Variants in PTPRZ1 observed in about 807,000 individuals in gnomAD.
PTPRZ1 encodes the protein protein tyrosine phosphatase receptor type Z1.
In PTPRZ1, 82 loss-of-function variants were observed where a neutral mutation model predicts 214.1. That is an observed-to-expected ratio of 0.38 (90% CI 0.32 to 0.46). PTPRZ1 has a LOEUF of 0.46. PTPRZ1 is among the 20% of genes least tolerant of loss of function. PTPRZ1 has a pLI of 1.00. For missense variants in PTPRZ1, 2,603 were observed against 2,748.7 expected, an observed-to-expected ratio of 0.95 and a Z score of 1.19; for synonymous variants, 945 against 987.9, an observed-to-expected ratio of 0.96 and a Z score of 0.81.
intron 10 of PTPRZ1, 74 bp downstream of exon 10, chr7:121,998,080 T>C: frequency 2.7e-6 from 4 of 1,465,322 alleles, no homozygotes; most frequent in Non-Finnish European, 3.7e-6. Flanking sequence ...GCATTGATGC[T>C]TTCTCTCTAT....
At chr7:121,972,931 T>TAATG (rs71172157) in intron 4 of PTPRZ1, among the ~76,000 whole-genome samples, 84,606 of 151,448 alleles carry the variant, frequency 0.56, 24,021 homozygotes, top group African/African-American at 0.65. Flanking sequence ...GCTGATGAAT[T>TAATG]AATGAAGGAA....
At chr7:121,962,431 G>C (rs954685091) in intron 2 of PTPRZ1, among the ~76,000 whole-genome samples, 25 of 146,454 alleles carry the variant, frequency 1.7e-4, no homozygotes, top group Admixed American at 4.1e-4. Flanking sequence ...CTGGGCAATA[G>C]AGAGATGCTC....
At chr7:121,945,397 G>T (rs899076497) in intron 2 of PTPRZ1, among the ~76,000 whole-genome samples, 20 of 152,158 alleles carry the variant, frequency 1.3e-4, no homozygotes, top group African/African-American at 4.6e-4. Flanking sequence ...ATTGATACAT[G>T]TAGATCAACA....
intron 1 of PTPRZ1, among the ~76,000 whole-genome samples, chr7:121,922,834 A>G (rs1343755348): frequency 1.3e-5 from 2 of 152,146 alleles, no homozygotes; most frequent in Non-Finnish European, 1.5e-5. Flanking sequence ...ATTTCTTCAC[A>G]AGCACACATC....
At chr7:122,006,909 A>C (rs539718323) in intron 11 of PTPRZ1, among the ~76,000 whole-genome samples, 1 of 152,218 alleles carries the variant, frequency 6.6e-6, no homozygotes, top group African/African-American at 2.4e-5. Flanking sequence ...TGTTACATCT[A>C]AACTGAAAGG....
At chr7:122,036,575 G>A (rs760375260) in intron 17 of PTPRZ1, 25 bp from the exon 18 acceptor site, 112 of 1,483,546 alleles carry the variant, frequency 7.5e-5, no homozygotes, top group Non-Finnish European at 1.8e-5. Context: ...GTGCTACAAT[G>A]AAATATATTC....
chr7:122,044,969 CTG>C (rs1799843492), intron 23 of PTPRZ1, among the ~76,000 whole-genome samples: 1 of 151,922 alleles, frequency 6.6e-6, no homozygotes, highest in Admixed American at 6.6e-5. Flanking sequence ...TGGAAAAAAT[CTG>C]TGTCTCACTT....
intron 11 of PTPRZ1, among the ~76,000 whole-genome samples, chr7:122,007,771 A>G (rs1169567654): frequency 6.6e-6 from 1 of 152,194 alleles, no homozygotes; most frequent in East Asian, 1.9e-4. Context: ...GAAGGATAAC[A>G]TATGACACAG....
At chr7:122,047,569 C>G (rs1792037263) in intron 23 of PTPRZ1, among the ~76,000 whole-genome samples, 1 of 151,722 alleles carries the variant, frequency 6.6e-6, no homozygotes, top group Non-Finnish European at 1.5e-5. Flanking sequence ...TGAGGAAGTA[C>G]TCTACGGTTT....
intron 1 of PTPRZ1, among the ~76,000 whole-genome samples, chr7:121,912,911 T>C (rs1174728883): frequency 6.6e-6 from 1 of 152,054 alleles, no homozygotes; most frequent in Admixed American, 6.6e-5. Flanking sequence ...CAGAGACGGG[T>C]AAATGAATTA....
intron 1 of PTPRZ1, among the ~76,000 whole-genome samples, chr7:121,895,660 A>T (rs910848243): frequency 1.4e-4 from 22 of 152,216 alleles, no homozygotes; most frequent in African/African-American, 4.6e-4. Flanking sequence ...TCATTCGTAA[A>T]GGATCATATG....
rs1300448624 is a variant in PTPRZ1, at chr7:122,019,279, T to C, written c.4988+11T>C. ...TCTCATCTACTGGAGGTAAGTTGAG[T>C]ATTTGTTTTGGAAAATTTAATTCAT... On this transcript the variant is annotated intron_variant, in intron 13 of 29. Transcript: ENST00000393386. 3.1e-6 allele frequency: 5 copies of C among 1,605,210 alleles called. No homozygotes were observed. The African/African-American group carries it at 6.7e-5, about 22-fold the overall frequency.
intron 12 of PTPRZ1, among the ~76,000 whole-genome samples, chr7:122,016,518 G>C (rs1396307447): frequency 2.6e-5 from 4 of 151,896 alleles, no homozygotes; most frequent in African/African-American, 9.7e-5. Flanking sequence ...TAGGTTTCAT[G>C]CCATAGTTTG....
At chr7:122,014,952 A>G (rs1798803230) in intron 12 of PTPRZ1, among the ~76,000 whole-genome samples, 1 of 152,202 alleles carries the variant, frequency 6.6e-6, no homozygotes, top group African/African-American at 2.4e-5. Context: ...TACAGTATGT[A>G]TAGGTATTGT....
chr7:122,028,699 A>G (rs916786294), intron 14 of PTPRZ1, 56 bp downstream of exon 14: 1 of 1,340,316 alleles, frequency 7.5e-7, no homozygotes, highest in Non-Finnish European at 1.1e-6. Context: ...AAAAAGCACA[A>G]TGTTGAAAGG....
rs927094103 is a variant in PTPRZ1, at chr7:121,959,015, G to A, written c.125-8936G>A. On this transcript the variant is annotated intron_variant, in intron 2 of 29. Coordinates refer to ENST00000393386, the MANE Select transcript of PTPRZ1 (RefSeq NM_002851.3). Reference sequence around the variant, plus strand: ...ATTTTTTGTATTTTTAGTAGAGGCGGGGTTTCACCATGTTAGCCAGGATGG... The same window carrying A: ...ATTTTTTGTATTTTTAGTAGAGGCGAGGTTTCACCATGTTAGCCAGGATGG... 6.4e-4 allele frequency among the ~76,000 whole-genome samples: 98 copies of A among 152,056 alleles called. 1 individual carries two copies. The highest frequency in any genetic ancestry group is 3.3e-3 in the Admixed American group (51 of 15,272).
chr7:121,899,014 T>G (rs985705765), intron 1 of PTPRZ1, among the ~76,000 whole-genome samples: 1 of 151,948 alleles, frequency 6.6e-6, no homozygotes, highest in Admixed American at 6.6e-5. Flanking sequence ...TTGCTGTAAT[T>G]TAAAGTATAT....
rs545877391 is a variant in PTPRZ1, at chr7:122,005,034, T to G, written c.1287+374T>G. 2.0e-5 allele frequency among the ~76,000 whole-genome samples: 3 copies of G among 152,114 alleles called. No homozygotes were observed. The East Asian group carries it at 5.8e-4, about 29-fold the overall frequency. ...AACCAGTTCTTAACATTCTACAGTT[T>G]ATATATAAATAACCAACGATTGATA... On this transcript the variant is annotated intron_variant, in intron 11 of 29. Coordinates refer to ENST00000393386, the MANE Select transcript of PTPRZ1 (RefSeq NM_002851.3).
chr7:121,892,901 A>T (rs1794682734), intron 1 of PTPRZ1, among the ~76,000 whole-genome samples: 4 of 151,622 alleles, frequency 2.6e-5, no homozygotes, highest in Admixed American at 2.6e-4. Context: ...TTTTTTGAAA[A>T]ATATTTTTGT....
Sources: allele counts gnomAD v4.1 joint callset (sites outside exome capture counted in the v4.1 genomes callset), GRCh38; gene constraint gnomAD v4.1.1; transcripts MANE v1.5; gene names NCBI Gene and HGNC (gene_info 2026-07-23, HGNC 2026-07-21).